The following TAFA5 variants were observed in gnomAD, a reference collection of about 807,000 sequenced individuals.
TAFA5 encodes TAFA chemokine like family member 5, also known as chemokine-like protein TAFA-5.
Under a neutral mutation model 15.3 loss-of-function variants are expected in TAFA5, and 6 were observed. The ratio of observed to expected loss-of-function variants is 0.39; its 90% CI spans 0.21 to 0.77. The LOEUF is 0.77. Ranked by LOEUF, TAFA5 falls within the 30% of genes least tolerant of loss-of-function variation. The pLI is 0.41. For synonymous variants in TAFA5, 103 were observed against 80.7 expected (o/e 1.28, Z -1.48); for missense variants, 161 against 193.1 (o/e 0.83, Z 0.98).
intron 1 of TAFA5, among the ~76,000 whole-genome samples, chr22:48,608,831 G>T (rs1252987035): frequency 6.6e-6 from 1 of 152,324 alleles, no homozygotes; most frequent in Admixed American, 6.5e-5. Flanking sequence ...GGCACCCGAC[G>T]CTCGGGAGCT....
At chr22:48,554,773 A>G (rs1922972635) in intron 1 of TAFA5, among the ~76,000 whole-genome samples, 1 of 152,244 alleles carries the variant, frequency 6.6e-6, no homozygotes, top group African/African-American at 2.4e-5. Context: ...CTGCAGACCT[A>G]TAATCCTCTC....
chr22:48,584,980 C>T (rs1310499468), intron 1 of TAFA5, among the ~76,000 whole-genome samples: 1 of 146,586 alleles, frequency 6.8e-6, no homozygotes, highest in Non-Finnish European at 1.5e-5. Flanking sequence ...ATACATCACA[C>T]ACATTCACAT....
intron 1 of TAFA5, among the ~76,000 whole-genome samples, chr22:48,641,297 A>G (rs981045550): frequency 2.6e-5 from 4 of 152,124 alleles, no homozygotes; most frequent in Non-Finnish European, 5.9e-5. Context: ...AACACCACCT[A>G]TGGAAAGGAG....
At chr22:48,637,242 G>A (rs966859052) in intron 1 of TAFA5, among the ~76,000 whole-genome samples, 1 of 152,198 alleles carries the variant, frequency 6.6e-6, no homozygotes, top group Non-Finnish European at 1.5e-5. Flanking sequence ...CTGTGTGCAT[G>A]CGTGTACCTC....
chr22:48,681,099 A>G (rs1928168922), intron 2 of TAFA5, among the ~76,000 whole-genome samples: 1 of 152,232 alleles, frequency 6.6e-6, no homozygotes, highest in African/African-American at 2.4e-5. Context: ...ATCCTGGAAG[A>G]CATCGTGGTG....
chr22:48,577,294 A>G (rs953747502), intron 1 of TAFA5, among the ~76,000 whole-genome samples: 2 of 152,140 alleles, frequency 1.3e-5, no homozygotes, highest in African/African-American at 2.4e-5. Context: ...ACCTCCCCTG[A>G]TGGGCGGTCG....
chr22:48,498,856 C>T (rs969486423), intron 1 of TAFA5, among the ~76,000 whole-genome samples: 6 of 151,928 alleles, frequency 3.9e-5, no homozygotes, highest in Admixed American at 6.5e-5. Context: ...CCCCAGCAAG[C>T]ACACTTGTGC....
At position 48,663,699 on chromosome 22, in the gene TAFA5, G is replaced by A. The variant is rs116707851; in HGVS notation, c.262+16953G>A. On this transcript the variant is annotated intron_variant, in intron 2 of 3. Transcript: ENST00000402357. ...CTGAGTAGCATGACAAAAATTTTGC[G>A]CCATTCCACTTTGTCCCATCCGGTC... is the stretch of plus-strand genomic sequence containing the variant. Among the ~76,000 whole-genome samples the A allele has an allele frequency of 1.8e-3, 267 of 152,260 alleles. 1 individual carries two copies. Among genetic ancestry groups the A allele is most frequent in the African/African-American group, 5.9e-3 (247 of 41,556 alleles).
chr22:48,700,414 C>T (rs762612202), intron 2 of TAFA5, among the ~76,000 whole-genome samples: 4 of 152,000 alleles, frequency 2.6e-5, no homozygotes, highest in African/African-American at 4.8e-5. Flanking sequence ...CTAGAGCTCC[C>T]GGGGCAGAGC....
At chr22:48,677,763 G>T (rs1329981307) in intron 2 of TAFA5, among the ~76,000 whole-genome samples, 1 of 152,164 alleles carries the variant, frequency 6.6e-6, no homozygotes, top group Non-Finnish European at 1.5e-5. Flanking sequence ...GAGTCAGGTC[G>T]GGCGGGCGTG....
At chr22:48,647,093 C>T (rs1450662003) in intron 2 of TAFA5, among the ~76,000 whole-genome samples, 1 of 152,158 alleles carries the variant, frequency 6.6e-6, no homozygotes, top group Admixed American at 6.5e-5. Context: ...ATGGCAAGGT[C>T]CCCTGGGTGC....
intron 1 of TAFA5, among the ~76,000 whole-genome samples, chr22:48,519,471 C>T (rs1342833451): frequency 2.6e-5 from 4 of 152,212 alleles, no homozygotes; most frequent in African/African-American, 9.7e-5. Context: ...GCCACTGACC[C>T]TGGGTCTTCT....
intron 1 of TAFA5, among the ~76,000 whole-genome samples, chr22:48,628,823 G>A (rs559300764): frequency 3.9e-4 from 60 of 152,336 alleles, no homozygotes; most frequent in African/African-American, 1.4e-3. Flanking sequence ...CAGACACATC[G>A]GCGTGTTTGC....
chr22:48,622,067 AC>A (rs764150585), intron 1 of TAFA5, among the ~76,000 whole-genome samples: 52 of 152,012 alleles, frequency 3.4e-4, no homozygotes, highest in Non-Finnish European at 6.9e-4. Context: ...CGGCAGTGCA[AC>A]CCCTACAACA....
rs754528833 is a variant in TAFA5 at position 48,751,778 on chromosome 22, C to T, written c.*1931C>T. 3 of 152,508 alleles carry T rather than the reference C, an allele frequency of 2.0e-5. No homozygotes were observed. Among genetic ancestry groups the T allele is most frequent in the Non-Finnish European group, 4.4e-5 (3 of 68,048 alleles). 9.4% of individuals were successfully genotyped at this position (152,508 alleles called of 1,614,324 possible). On this transcript the variant is annotated 3_prime_UTR_variant, in exon 4 of 4. Coordinates refer to ENST00000402357, the MANE Select transcript of TAFA5 (RefSeq NM_001082967.3). ...GCCAGCGTCCTCACGGCCTCCCCCT[C>T]GCCTGTTTCTTTTGAAAGCAAGTGT... is the stretch of plus-strand genomic sequence containing the variant.
At chr22:48,635,342 G>T (rs1926406738) in intron 1 of TAFA5, among the ~76,000 whole-genome samples, 1 of 152,198 alleles carries the variant, frequency 6.6e-6, no homozygotes, top group South Asian at 2.1e-4. Flanking sequence ...GAGGCTGGTA[G>T]AGGCCTGGGA....
At chr22:48,683,531 G>A (rs1299500395) in intron 2 of TAFA5, among the ~76,000 whole-genome samples, 2 of 152,230 alleles carry the variant, frequency 1.3e-5, no homozygotes, top group African/African-American at 4.8e-5. Context: ...ACGGGCTGAG[G>A]CCAGAGCCAG....
intron 1 of TAFA5, among the ~76,000 whole-genome samples, chr22:48,567,962 G>A (rs141064097): frequency 0.013 from 1,911 of 152,350 alleles, 13 homozygotes; most frequent in Non-Finnish European, 0.022. Flanking sequence ...TGAGACCAGT[G>A]AAGAGCATGG....
intron 1 of TAFA5, among the ~76,000 whole-genome samples, chr22:48,611,067 G>A (rs751485211): frequency 6.6e-6 from 1 of 152,016 alleles, no homozygotes; most frequent in Non-Finnish European, 1.5e-5. Flanking sequence ...CCTAGTAGCT[G>A]GGATTACAGG....
Sources: gnomAD v4.1 joint callset for allele counts (sites outside exome capture counted in the v4.1 genomes callset) on GRCh38, gnomAD v4.1.1 for gene constraint, MANE v1.5 for transcripts, NCBI Gene and HGNC (gene_info 2026-07-23, HGNC 2026-07-21) for gene names.